DSCAML1: variants seen among roughly 807,000 people sequenced by gnomAD.
DSCAML1 encodes cell adhesion molecule DSCAML1.
DSCAML1 carries 38 observed loss-of-function variants against 200.5 expected under a neutral mutation model. That is an observed-to-expected ratio of 0.19 (90% CI 0.15 to 0.25). The LOEUF is 0.25. Among genes scored for constraint, DSCAML1 ranks in the 10% least tolerant of loss-of-function variants. DSCAML1 has a pLI of 1.00. For synonymous variants in DSCAML1, 1,215 were observed against 1,165.0 expected, an observed-to-expected ratio of 1.04 and a Z score of -0.87; for missense variants, 2,223 against 2,858.8, an observed-to-expected ratio of 0.78 and a Z score of 5.07.
At chr11:117,461,336 C>T (rs1177480482) in intron 18 of DSCAML1, 114 bp downstream of exon 18, 7 of 1,465,410 alleles carry the variant, frequency 4.8e-6, no homozygotes, top group South Asian at 1.3e-5. Context: ...GAGGGGGCTG[C>T]ACTTCCTCTT....
intron 1 of DSCAML1, among the ~76,000 whole-genome samples, chr11:117,807,334 T>TC (rs1275856642): frequency 2.6e-5 from 4 of 152,250 alleles, no homozygotes; most frequent in Non-Finnish European, 5.9e-5. Context: ...TGACCAGGCC[T>TC]GTCCTAGGCT....
chr11:117,718,686 C>CTTA (rs1565892873), intron 3 of DSCAML1, among the ~76,000 whole-genome samples: 8 of 134,526 alleles, frequency 5.9e-5, no homozygotes, highest in Admixed American at 3.2e-4. Context: ...CCCCCCCCAT[C>CTTA]ATATGAGACC....
chr11:117,472,106 CAGTACA>C, intron 14 of DSCAML1, 70 bp from the exon 15 acceptor site: 2 of 1,562,684 alleles, frequency 1.3e-6, no homozygotes, highest in Non-Finnish European at 1.7e-6. Flanking sequence ...CCTGAAGTAC[CAGTACA>C]ACCCAATATT....
intron 14 of DSCAML1, among the ~76,000 whole-genome samples, chr11:117,473,945 G>T (rs1019980193): frequency 5.9e-5 from 9 of 152,222 alleles, no homozygotes; most frequent in Non-Finnish European, 1.2e-4. Context: ...GGCATCCTGG[G>T]AGCTGGCGCC....
At chr11:117,515,878 CAA>C (rs1388530646) in intron 8 of DSCAML1, among the ~76,000 whole-genome samples, 1 of 152,086 alleles carries the variant, frequency 6.6e-6, no homozygotes, top group Non-Finnish European at 1.5e-5. Flanking sequence ...CTCGGCCTCC[CAA>C]AGTGCTGGGA....
intron 3 of DSCAML1, among the ~76,000 whole-genome samples, chr11:117,679,081 C>T (rs61903821): frequency 1.1e-4 from 17 of 152,226 alleles, no homozygotes; most frequent in African/African-American, 2.4e-4. Context: ...CACTTCAGGT[C>T]GGCCTGGGCC....
Position 117,480,050 on chromosome 11 carries a change from T to C in DSCAML1, c.2785+393A>G, listed in dbSNP as rs550526897. Among the ~76,000 whole-genome samples the C allele has an allele frequency of 1.9e-3, 295 of 152,258 alleles. 2 individuals carry two copies. The highest frequency in any genetic ancestry group is 6.6e-3 in the African/African-American group (274 of 41,542). On this transcript the variant is annotated intron_variant, in intron 14 of 32. Coordinates refer to ENST00000651296, the MANE Select transcript of DSCAML1 (RefSeq NM_020693.4). This position sits in a 1 kb window ranked among gnomAD's most constrained non-coding sequence, Gnocchi z 4.1. The stretch of plus-strand genomic sequence containing the variant: ...GGACCAGCTCTCTGATCTCCAATCA[T>C]CCTCCTCATCCCAGACCAGGAGCAC...
intron 3 of DSCAML1, among the ~76,000 whole-genome samples, chr11:117,675,963 T>C (rs12225758): frequency 0.048 from 7,232 of 152,036 alleles, 181 homozygotes; most frequent in Middle Eastern, 0.068. Context: ...TTTTTATGAG[T>C]TGGGGGCTGG....
intron 19 of DSCAML1, among the ~76,000 whole-genome samples, chr11:117,455,014 C>T (rs192012475): frequency 1.1e-3 from 161 of 152,292 alleles, no homozygotes; most frequent in African/African-American, 2.3e-3. Context: ...CAGCAAATGT[C>T]CCCTAGGGGA....
chr11:117,552,702 G>A (rs2050490135), intron 3 of DSCAML1, among the ~76,000 whole-genome samples: 1 of 152,226 alleles, frequency 6.6e-6, no homozygotes. Context: ...ATCGTTTTGA[G>A]GTCGAGACAA....
chr11:117,456,792 A>C (rs986658705), intron 19 of DSCAML1, among the ~76,000 whole-genome samples: 2 of 149,694 alleles, frequency 1.3e-5, no homozygotes, highest in Admixed American at 6.7e-5. Context: ...CTCGTGTTTC[A>C]GCCTCCTGAG....
intron 19 of DSCAML1, among the ~76,000 whole-genome samples, chr11:117,455,048 C>T (rs1052432934): frequency 2.0e-5 from 3 of 152,220 alleles, no homozygotes; most frequent in African/African-American, 4.8e-5. Context: ...ATGTCAGGCT[C>T]ACCTCCAGGG....
In DSCAML1 at chr11:117,437,490, TC is replaced by T; in HGVS notation, c.4433-82del. The T allele has an allele frequency of 6.7e-7, 1 of 1,502,320 alleles. No homozygotes were observed. Among genetic ancestry groups the T allele is most frequent in the Non-Finnish European group, 9.0e-7 (1 of 1,109,132 alleles). 93.1% of individuals were successfully genotyped at this position (1,502,320 alleles called of 1,614,324 possible). A position where few individuals can be genotyped will look rare whatever the true frequency, so the allele number is the denominator to read the frequency against. ...GGACTGGGCTGGGCTGGAAAGGATT[TC>T]CCTGGGGCAGCTGGGATGGCAGTGG... On this transcript the variant is annotated intron_variant, in intron 25 of 32. Coordinates refer to ENST00000651296, the MANE Select transcript of DSCAML1 (RefSeq NM_020693.4). This position sits in a 1 kb window ranked among gnomAD's most constrained non-coding sequence, Gnocchi z 5.3.
chr11:117,745,175 G>A (rs1296445617), intron 3 of DSCAML1, among the ~76,000 whole-genome samples: 1 of 150,496 alleles, frequency 6.6e-6, no homozygotes, highest in Admixed American at 6.7e-5. Flanking sequence ...GGGGATGACA[G>A]CTGGGAGGGG....
chr11:117,444,759 T>G (rs1234890675), intron 20 of DSCAML1, among the ~76,000 whole-genome samples: 1 of 152,216 alleles, frequency 6.6e-6, no homozygotes, highest in East Asian at 1.9e-4. Context: ...AAAGATTATG[T>G]TGCCTTGGAA....
At chr11:117,589,142 T>C (rs1194073840) in intron 3 of DSCAML1, among the ~76,000 whole-genome samples, 1 of 151,866 alleles carries the variant, frequency 6.6e-6, no homozygotes, top group East Asian at 1.9e-4. Flanking sequence ...TCCACCATGG[T>C]CAAATGCAAG....
At chr11:117,587,260 C>CCCCG (rs1555187515) in intron 3 of DSCAML1, among the ~76,000 whole-genome samples, 2 of 150,616 alleles carry the variant, frequency 1.3e-5, no homozygotes, top group Non-Finnish European at 1.5e-5. Flanking sequence ...CCAACCCCCC[C>CCCCG]CCACGATTTA....
intron 2 of DSCAML1, among the ~76,000 whole-genome samples, chr11:117,779,272 C>T (rs898079448): frequency 6.6e-6 from 1 of 152,116 alleles, no homozygotes; most frequent in African/African-American, 2.4e-5. Context: ...GATCCGAGAC[C>T]CACCTTACCA....
At position 117,505,844 on chromosome 11, in the gene DSCAML1, C is replaced by T; in HGVS notation, c.1784-112G>A. ...CTGGGTTGGGCCTTGAACAAAGATC[C>T]CCTGGGGCACTGCAGCCTTGTTCTC... On this transcript the variant is annotated intron_variant, in intron 8 of 32. Coordinates refer to ENST00000651296, the MANE Select transcript of DSCAML1 (RefSeq NM_020693.4). The surrounding 1 kb of genome is among the most constrained non-coding windows in gnomAD (Gnocchi z 6.7). 1 of 1,309,276 alleles carries T rather than the reference C, an allele frequency of 7.6e-7. No homozygotes were observed. The highest frequency in any genetic ancestry group is 2.3e-4 in the Middle Eastern group (1 of 4,418). 81.1% of individuals were successfully genotyped at this position (1,309,276 alleles called of 1,614,324 possible).
Sources: gnomAD v4.1 joint callset for allele counts (sites outside exome capture counted in the v4.1 genomes callset) on GRCh38, gnomAD v4.1.1 for gene constraint, Gnocchi (gnomAD v3.1) non-coding constraint, MANE v1.5 for transcripts, NCBI Gene and HGNC (gene_info 2026-07-23, HGNC 2026-07-21) for gene names.